The following TMPRSS11A variants were observed in gnomAD, a reference collection of about 807,000 sequenced individuals.
TMPRSS11A encodes transmembrane serine protease 11A.
A neutral mutation model predicts 58.9 loss-of-function variants in TMPRSS11A; 53 were observed. That is an observed-to-expected ratio of 0.90 (90% confidence interval 0.72 to 1.13). The LOEUF (loss-of-function observed/expected upper bound fraction) is 1.13, where lower values mean the gene tolerates loss of function less well. TMPRSS11A is among the 50% of genes most tolerant of loss of function. TMPRSS11A has a pLI of 0.00. For synonymous variants in TMPRSS11A, 167 were observed against 169.8 expected (o/e 0.98, Z 0.13); for missense variants, 493 against 499.3 (o/e 0.99, Z 0.12).
At chr4:67,915,829 A>C (rs527393364) in intron 8 of TMPRSS11A, among the ~76,000 whole-genome samples, 12 of 152,350 alleles carry the variant, frequency 7.9e-5, no homozygotes, top group African/African-American at 2.9e-4. Context: ...AAGAGGACTC[A>C]ACTAAGCTGT....
intron 5 of TMPRSS11A, among the ~76,000 whole-genome samples, chr4:67,928,705 G>A (rs989374687): frequency 6.6e-6 from 1 of 152,172 alleles, no homozygotes; most frequent in African/African-American, 2.4e-5. Context: ...TAGCTGACTC[G>A]TTCTCACATC....
Position 67,922,891 on chromosome 4 carries a change from T to C in TMPRSS11A, c.556A>G (p.Arg186Gly). 2 of 1,614,212 alleles carry C rather than the reference T, an allele frequency of 1.2e-6. No individual in the cohort carries two copies. The highest frequency in any genetic ancestry group is 1.7e-6 in the Non-Finnish European group (2 of 1,180,030). ...GKRVVPLNVN[R>G]IASGVIAPKA... The stretch of plus-strand genomic sequence containing the variant: ...GGTGCAATGACTCCAGATGCTATTC[T>C]GTTGACGTTTAATGGAACAACTCGT... The change falls in exon 7 of 10, where the codon AGA (arginine) becomes GGA (glycine). Residue 186 changes from arginine (R) to glycine (G), a missense_variant. Physicochemically the swap from Arg to Gly is moderately radical, Grantham distance 125. Transcript: ENST00000508048.
chr4:67,912,871 A>AT (rs748708187), intron 9 of TMPRSS11A, among the ~76,000 whole-genome samples: 26 of 150,908 alleles, frequency 1.7e-4, no homozygotes, highest in South Asian at 6.3e-4. Flanking sequence ...AGCATTCTTT[A>AT]TTTTTTTTTA....
At chr4:67,937,946 T>C (rs1051025314) in intron 3 of TMPRSS11A, among the ~76,000 whole-genome samples, 3 of 152,158 alleles carry the variant, frequency 2.0e-5, no homozygotes, top group African/African-American at 4.8e-5. Context: ...CTAGGTTGAA[T>C]AGTAGTTCCA....
chr4:67,946,521 G>A lies in TMPRSS11A; in HGVS notation c.62C>T (p.Ala21Val), dbSNP rs750372820. Residue 21 changes from alanine (A) to valine (V), a missense_variant, in exon 2 of 10, where the codon GCC (alanine) becomes GTC (valine). By Grantham distance (64) the Ala-to-Val change is moderately conservative. Coordinates refer to ENST00000508048, the MANE Select transcript of TMPRSS11A (RefSeq NM_001114387.2). The part of the protein sequence containing the change: ...RSRNLKPWMI[A>V]VLIVLSLTVV... ...TGTCAGGGACAACACAATGAGAACGGCAATCATCCATGGCTTCAGATTTCT... is the reference window on the plus strand; with the variant it reads ...TGTCAGGGACAACACAATGAGAACGACAATCATCCATGGCTTCAGATTTCT... The A allele has an allele frequency of 1.9e-6, 3 of 1,612,490 alleles. No individual in the cohort carries two copies. Among genetic ancestry groups the A allele is most frequent in the South Asian group, 1.1e-5 (1 of 90,824 alleles).
intron 1 of TMPRSS11A, 63 bp from the exon 2 acceptor site, chr4:67,946,634 T>C (rs1721020435): frequency 2.6e-6 from 4 of 1,513,870 alleles, no homozygotes; most frequent in Non-Finnish European, 3.5e-6. Flanking sequence ...TTTCCAGCTC[T>C]CCTTAGACAA....
At chr4:67,923,657 C>G (rs1361566224) in intron 6 of TMPRSS11A, among the ~76,000 whole-genome samples, 2 of 152,146 alleles carry the variant, frequency 1.3e-5, no homozygotes, top group African/African-American at 4.8e-5. Flanking sequence ...CAGGCACCTG[C>G]CACCGCACCT....
In TMPRSS11A at chr4:67,951,317, T is replaced by G. The variant is rs143476548; in HGVS notation, c.12-4746A>C. The stretch of plus-strand genomic sequence containing the variant: ...CTTGTAGACTGAAAGACACATTCAT[T>G]GAAGAATATATAAAGCAGTATGGAT... On this transcript the variant is annotated intron_variant, in intron 1 of 9. Transcript: ENST00000508048. 7.9e-3 allele frequency among the ~76,000 whole-genome samples: 1,211 copies of G among 152,340 alleles called. 4 individuals are homozygous for G. The highest frequency in any genetic ancestry group is 0.014 in the Non-Finnish European group (942 of 68,028).
At chr4:67,917,772 G>T (rs1720198723) in intron 8 of TMPRSS11A, among the ~76,000 whole-genome samples, 1 of 152,074 alleles carries the variant, frequency 6.6e-6, no homozygotes, top group Admixed American at 6.5e-5. Context: ...CAAGCCAAAG[G>T]GGATTTGTGA....
At chr4:67,913,482 A>T (rs1234635064) in intron 9 of TMPRSS11A, among the ~76,000 whole-genome samples, 4 of 152,332 alleles carry the variant, frequency 2.6e-5, no homozygotes, top group Admixed American at 2.0e-4. Context: ...TACTTTGCAC[A>T]GTTAGGCAGC....
intron 1 of TMPRSS11A, among the ~76,000 whole-genome samples, chr4:67,953,319 A>T (rs1293365123): frequency 6.6e-6 from 1 of 152,186 alleles, no homozygotes; most frequent in African/African-American, 2.4e-5. Context: ...TAATGGTTTC[A>T]AATGAGATTA....
chr4:67,945,593 A>G (rs1333275577), intron 2 of TMPRSS11A, among the ~76,000 whole-genome samples: 1 of 152,204 alleles, frequency 6.6e-6, no homozygotes, highest in Non-Finnish European at 1.5e-5. Context: ...TATAAACTAC[A>G]GCTGGGGTTA....
In TMPRSS11A at chr4:67,963,490, G is replaced by C. The variant is rs1031163037; in HGVS notation, c.-97C>G. ...TCTCTAGATGTATTAGAAGTCTACG[G>C]CTCAAAGAAATAAGGAAACAAATTA... On this transcript the variant is annotated 5_prime_UTR_variant, in exon 1 of 10. Transcript: ENST00000508048. 1.1e-5 allele frequency: 14 copies of C among 1,282,116 alleles called. No homozygotes were observed. The highest frequency in any genetic ancestry group is 1.2e-5 in the Non-Finnish European group (11 of 910,388). The allele number at this position is 1,282,116 out of a possible 1,614,324, so 79.4% of individuals were successfully genotyped here.
rs754877930 is a variant in TMPRSS11A, at chr4:67,946,528, TC to T, written c.54del (p.Trp18Ter). ...FGTRSRNLKP[W>X]MIAVLIVLSL... ...GACAACACAATGAGAACGGCAATCA[TC>T]CATGGCTTCAGATTTCTGCTTCGGG... On this transcript the variant is annotated frameshift_variant, in exon 2 of 10. Coordinates refer to ENST00000508048, the MANE Select transcript of TMPRSS11A (RefSeq NM_001114387.2). LOFTEE classifies it high-confidence loss of function. 11 of 1,612,030 alleles carry T rather than the reference TC, an allele frequency of 6.8e-6. No homozygotes were observed. Among genetic ancestry groups the T allele is most frequent in the Non-Finnish European group, 9.3e-6 (11 of 1,179,118 alleles).
At chr4:67,928,900 A>G (rs1720540748) in intron 5 of TMPRSS11A, among the ~76,000 whole-genome samples, 1 of 152,212 alleles carries the variant, frequency 6.6e-6, no homozygotes, top group Non-Finnish European at 1.5e-5. Context: ...GGAGAAATCT[A>G]TACTTGTCTG....
intron 1 of TMPRSS11A, among the ~76,000 whole-genome samples, chr4:67,953,102 T>C (rs979699369): frequency 6.6e-6 from 1 of 152,152 alleles, no homozygotes; most frequent in African/African-American, 2.4e-5. Flanking sequence ...ATAGGGTTCA[T>C]GCCTCTATGG....
intron 1 of TMPRSS11A, among the ~76,000 whole-genome samples, chr4:67,946,889 C>T (rs1266989692): frequency 6.6e-6 from 1 of 152,102 alleles, no homozygotes; most frequent in East Asian, 1.9e-4. Context: ...TTCTCCAGCA[C>T]TTTGTTATCT....
intron 1 of TMPRSS11A, among the ~76,000 whole-genome samples, chr4:67,953,353 T>C (rs569935531): frequency 6.6e-6 from 1 of 152,328 alleles, no homozygotes; most frequent in East Asian, 1.9e-4. Context: ...TTTCTTAGTT[T>C]TTTTTAATAT....
chr4:67,959,128 A>T (rs1391476418), intron 1 of TMPRSS11A, among the ~76,000 whole-genome samples: 1 of 152,226 alleles, frequency 6.6e-6, no homozygotes, highest in Non-Finnish European at 1.5e-5. Context: ...AAAGAAGGAA[A>T]ACAAATCAAG....
Sources: gnomAD v4.1 joint callset for allele counts (sites outside exome capture counted in the v4.1 genomes callset) on GRCh38, gnomAD v4.1.1 for gene constraint, MANE v1.5 for transcripts, NCBI Gene and HGNC (gene_info 2026-07-23, HGNC 2026-07-21) for gene names.